KCNQ3: variants seen among roughly 807,000 people sequenced by gnomAD.
KCNQ3 encodes the protein potassium voltage-gated channel subfamily Q member 3.
Under a neutral mutation model 92.5 loss-of-function variants are expected in KCNQ3, and 30 were observed. That is an observed-to-expected ratio of 0.32 (90% confidence interval 0.24 to 0.44). The LOEUF (loss-of-function observed/expected upper bound fraction) is 0.44, where lower values mean the gene tolerates loss of function less well. Among genes scored for constraint, KCNQ3 ranks in the 20% least tolerant of loss-of-function variants. The pLI is 1.00. For synonymous variants in KCNQ3, 450 were observed against 468.8 expected (o/e 0.96, Z 0.52); for missense variants, 913 against 1,140.3 (o/e 0.80, Z 2.87).
intron 1 of KCNQ3, among the ~76,000 whole-genome samples, chr8:132,352,226 G>T (rs1818893626): frequency 2.6e-5 from 4 of 152,102 alleles, no homozygotes; most frequent in Admixed American, 2.6e-4. Context: ...TAAGACAGTG[G>T]TTCTCACCAG....
intron 1 of KCNQ3, among the ~76,000 whole-genome samples, chr8:132,438,657 C>G (rs999000926): frequency 1.3e-5 from 2 of 152,010 alleles, no homozygotes; most frequent in African/African-American, 4.8e-5. Flanking sequence ...CTTGGGTGGT[C>G]TGGTCATTCT....
chr8:132,131,285 C>T lies in KCNQ3; in HGVS notation c.1884+895G>A, dbSNP rs376662138. ...AATAAAACAAAAGGATTACTATGAT[C>T]CTTGAAAAACTGGCAGTACCATTTA... On this transcript the variant is annotated intron_variant, in intron 14 of 14. Transcript: ENST00000388996. Among the ~76,000 whole-genome samples the T allele has an allele frequency of 2.6e-5, 4 of 152,296 alleles. No homozygotes were observed. The East Asian group carries it at 5.8e-4, about 22-fold the overall frequency.
At chr8:132,433,969 G>C (rs960118029) in intron 1 of KCNQ3, among the ~76,000 whole-genome samples, 4 of 152,064 alleles carry the variant, frequency 2.6e-5, no homozygotes, top group African/African-American at 9.7e-5. Flanking sequence ...AGCACTTTGG[G>C]AGGCCGAGGC....
rs1262795143 is a variant in KCNQ3, at chr8:132,134,312, A to C, written c.1777T>G (p.Phe593Val). 1 of 1,613,802 alleles carries C rather than the reference A, an allele frequency of 6.2e-7. No individual in the cohort carries two copies. Among genetic ancestry groups the C allele is most frequent in the East Asian group, 2.2e-5 (1 of 44,876 alleles). Residue 593 changes from phenylalanine (F) to valine (V), a missense_variant, in exon 13 of 15, where the codon TTC (phenylalanine) becomes GTC (valine). Physicochemically the swap from Phe to Val is conservative, Grantham distance 50. This residue lies in a region of KCNQ3 where 375 missense variants were observed against 376.4 expected (regional missense o/e 1.00). Transcript: ENST00000388996. ...CACCTGGGAGATTGCTGGGATGGGA[A>C]GGTGAATGCTGACCCTTTCTGAGAC... Reference protein sequence around the residue: ...KKSQKGSAFTFPSQQSPRNEP... With the variant: ...KKSQKGSAFTVPSQQSPRNEP...
intron 1 of KCNQ3, among the ~76,000 whole-genome samples, chr8:132,443,902 A>G (rs1488916711): frequency 1.3e-5 from 2 of 152,162 alleles, no homozygotes; most frequent in African/African-American, 4.8e-5. Flanking sequence ...CACACAGCTA[A>G]GGGCCAAGCA....
In KCNQ3 at chr8:132,129,755, G is replaced by A; in HGVS notation, c.2126C>T (p.Pro709Leu). 1 of 1,614,186 alleles carries A rather than the reference G, an allele frequency of 6.2e-7. No individual in the cohort carries two copies. The highest frequency in any genetic ancestry group is 8.5e-7 in the Non-Finnish European group (1 of 1,180,028). The change falls in exon 15 of 15, where the codon CCC becomes CTC. Residue 709 changes from proline (P) to leucine (L), a missense_variant. Coordinates refer to ENST00000388996, the MANE Select transcript of KCNQ3 (RefSeq NM_004519.4). The surrounding 1 kb of genome is among the most constrained non-coding windows in gnomAD (Gnocchi z 5.9). ...AGGGTCATGTGCAAAAAACCCATAG[G>A]GGCTGACTTTGTCAATGGTCACCTG... ...FHQVTIDKVS[P>L]YGFFAHDPVN...
chr8:132,383,715 C>T (rs931475267), intron 1 of KCNQ3, among the ~76,000 whole-genome samples: 2 of 152,246 alleles, frequency 1.3e-5, no homozygotes, highest in South Asian at 2.1e-4. Flanking sequence ...CTTGTGGATG[C>T]GGATCGGGAC....
intron 11 of KCNQ3, 44 bp from the exon 12 acceptor site, chr8:132,138,060 T>C (rs779084305): frequency 1.3e-6 from 2 of 1,598,082 alleles, no homozygotes; most frequent in Middle Eastern, 1.7e-4. Flanking sequence ...ATGTGGAGAG[T>C]GCGGGGAGCT....
intron 1 of KCNQ3, among the ~76,000 whole-genome samples, chr8:132,192,681 G>T (rs1827195823): frequency 6.6e-6 from 1 of 152,002 alleles, no homozygotes; most frequent in Non-Finnish European, 1.5e-5. Flanking sequence ...ACGGAATCTC[G>T]CTCTGTCACC....
At chr8:132,462,166 TAC>T (rs1417933639) in intron 1 of KCNQ3, among the ~76,000 whole-genome samples, 5 of 140,894 alleles carry the variant, frequency 3.5e-5, no homozygotes, top group South Asian at 2.4e-4. Context: ...CACTGAATTG[TAC>T]ATTTATTTAT....
chr8:132,479,428 A>G (rs1158380858), intron 1 of KCNQ3, among the ~76,000 whole-genome samples: 1 of 152,100 alleles, frequency 6.6e-6, no homozygotes, highest in African/African-American at 2.4e-5. Context: ...GTTTCAGCCA[A>G]AAGAGTCCCC....
At chr8:132,252,436 A>C (rs1254710814) in intron 1 of KCNQ3, among the ~76,000 whole-genome samples, 1 of 152,132 alleles carries the variant, frequency 6.6e-6, no homozygotes, top group African/African-American at 2.4e-5. Context: ...AGTCTCGCTA[A>C]CTTCAGGACA....
At chr8:132,306,101 A>G (rs1330334041) in intron 1 of KCNQ3, among the ~76,000 whole-genome samples, 1 of 152,154 alleles carries the variant, frequency 6.6e-6, no homozygotes, top group Non-Finnish European at 1.5e-5. Flanking sequence ...ATGTCAATCC[A>G]TGTTTAGTGT....
intron 1 of KCNQ3, among the ~76,000 whole-genome samples, chr8:132,471,710 G>A (rs1167242331): frequency 6.6e-6 from 1 of 152,058 alleles, no homozygotes; most frequent in Non-Finnish European, 1.5e-5. Flanking sequence ...CCTGGTCTAG[G>A]CAAATATTTT....
intron 1 of KCNQ3, among the ~76,000 whole-genome samples, chr8:132,433,812 C>G (rs980743992): frequency 6.6e-6 from 1 of 152,156 alleles, no homozygotes; most frequent in Non-Finnish European, 1.5e-5. Context: ...ATCACTTGAA[C>G]CCAGGAGGCG....
chr8:132,440,734 TA>T (rs1260798202), intron 1 of KCNQ3, among the ~76,000 whole-genome samples: 1 of 152,216 alleles, frequency 6.6e-6, no homozygotes. Context: ...GGGGGGTTAC[TA>T]ACCCCTTGAA....
At chr8:132,448,422 A>T (rs1013194803) in intron 1 of KCNQ3, among the ~76,000 whole-genome samples, 31 of 151,534 alleles carry the variant, frequency 2.0e-4, no homozygotes, top group African/African-American at 6.8e-4. Context: ...GTTCAAAAGC[A>T]AACGTCATGT....
At chr8:132,304,350 GA>G (rs1817350955) in intron 1 of KCNQ3, among the ~76,000 whole-genome samples, 1 of 152,158 alleles carries the variant, frequency 6.6e-6, no homozygotes, top group Non-Finnish European at 1.5e-5. Context: ...TTAAAAAAAT[GA>G]AGCTGCACAC....
At chr8:132,196,681 A>G (rs1191696274) in intron 1 of KCNQ3, among the ~76,000 whole-genome samples, 1 of 152,228 alleles carries the variant, frequency 6.6e-6, no homozygotes, top group Non-Finnish European at 1.5e-5. Flanking sequence ...CAGTGCCTAC[A>G]TCTGTGAAAT....
Sources: allele counts gnomAD v4.1 joint callset (sites outside exome capture counted in the v4.1 genomes callset), GRCh38; gene constraint gnomAD v4.1.1; regional missense constraint gnomAD v4.1.1; non-coding constraint Gnocchi (gnomAD v3.1); transcripts MANE v1.5; gene names NCBI Gene and HGNC (gene_info 2026-07-23, HGNC 2026-07-21).